Variants in TXNDC8 observed in about 807,000 individuals in gnomAD.
TXNDC8 encodes thioredoxin domain containing 8.
Under a neutral mutation model 12.9 loss-of-function variants are expected in TXNDC8, and 15 were observed. The ratio of observed to expected loss-of-function variants is 1.16; its 90% CI spans 0.78 to 1.79. TXNDC8 has a LOEUF of 1.79. Among genes scored for constraint, TXNDC8 ranks in the 40% most tolerant of loss-of-function variants. The pLI, the probability that TXNDC8 is intolerant of heterozygous loss-of-function variation, is 0.00. For missense variants in TXNDC8, 128 were observed against 113.2 expected, an observed-to-expected ratio of 1.13 and a Z score of -0.59; for synonymous variants, 40 against 35.4, an observed-to-expected ratio of 1.13 and a Z score of -0.46.
chr9:110,330,402 G>A (rs1362616583), intron 2 of TXNDC8, among the ~76,000 whole-genome samples: 3 of 152,062 alleles, frequency 2.0e-5, no homozygotes, highest in Non-Finnish European at 4.4e-5. Flanking sequence ...TGTCCTATTG[G>A]ACTCTCCACA....
At chr9:110,318,669 C>T (rs1033130182) in intron 3 of TXNDC8, among the ~76,000 whole-genome samples, 9 of 151,816 alleles carry the variant, frequency 5.9e-5, no homozygotes, top group South Asian at 4.2e-4. Context: ...AGCCGGGAGG[C>T]GGAGCTTGCA....
chr9:110,313,485 G>A (rs1838765892), intron 3 of TXNDC8, among the ~76,000 whole-genome samples: 1 of 152,136 alleles, frequency 6.6e-6, no homozygotes. Context: ...CAGATCACCT[G>A]AGATTAGGAG....
chr9:110,334,590 T>A (rs1839676596), intron 1 of TXNDC8, among the ~76,000 whole-genome samples: 2 of 152,178 alleles, frequency 1.3e-5, no homozygotes, highest in African/African-American at 4.8e-5. Context: ...GCCATTGTTC[T>A]CTAGCTGACC....
At chr9:110,332,424 T>C (rs1839581711) in intron 2 of TXNDC8, among the ~76,000 whole-genome samples, 1 of 152,220 alleles carries the variant, frequency 6.6e-6, no homozygotes, top group African/African-American at 2.4e-5. Flanking sequence ...CCAGTTTCTC[T>C]ATTGGAATAT....
Position 110,324,242 on chromosome 9 carries a change from A to C in TXNDC8, c.195+1933T>G, listed in dbSNP as rs538411463. On this transcript the variant is annotated intron_variant, in intron 3 of 4. Coordinates refer to ENST00000423740, the MANE Select transcript of TXNDC8 (RefSeq NM_001286946.2). ...CACTTCCGAAATGGGAGTGAAGGAG[A>C]AGATAATAAAAGATGATATGTAGAC... Among the ~76,000 whole-genome samples the C allele has an allele frequency of 9.2e-5, 14 of 152,334 alleles. No individual in the cohort carries two copies. The South Asian group carries it at 2.9e-3, about 32-fold the overall frequency.
At chr9:110,333,841 T>C (rs1477196408) in intron 2 of TXNDC8, among the ~76,000 whole-genome samples, 1 of 152,240 alleles carries the variant, frequency 6.6e-6, no homozygotes, top group East Asian at 1.9e-4. Flanking sequence ...TTTATTCTTT[T>C]ATGTTATATT....
At chr9:110,323,671 A>G (rs1839195573) in intron 3 of TXNDC8, 1 of 524,446 alleles carries the variant, frequency 1.9e-6, no homozygotes, top group South Asian at 4.2e-5. Flanking sequence ...GAGTTTACAT[A>G]GCTGAAGAAT....
chr9:110,306,181 A>AT (rs1024789383), intron 3 of TXNDC8, among the ~76,000 whole-genome samples: 1 of 152,060 alleles, frequency 6.6e-6, no homozygotes, highest in African/African-American at 2.4e-5. Context: ...TATATTTTCA[A>AT]TTTATACTCT....
At chr9:110,301,352 T>C (rs1838267920), downstream of TXNDC8, among the ~76,000 whole-genome samples, 1 of 152,258 alleles carries the variant, frequency 6.6e-6, no homozygotes, top group Non-Finnish European at 1.5e-5. Flanking sequence ...GTTTAGGATA[T>C]TGTCTAGCAA....
At chr9:110,304,415 C>T (rs1838346467) in intron 4 of TXNDC8, 52 bp downstream of exon 5, 2 of 1,526,290 alleles carry the variant, frequency 1.3e-6, no homozygotes, top group Admixed American at 1.7e-5. Context: ...ATATTTATTC[C>T]TTCAAAGTAA....
intron 1 of TXNDC8, among the ~76,000 whole-genome samples, chr9:110,336,080 C>T (rs1839747459): frequency 6.6e-6 from 1 of 152,222 alleles, no homozygotes; most frequent in African/African-American, 2.4e-5. Context: ...GTCTTGCCTG[C>T]CGCCATGTCA....
chr9:110,307,932 A>C (rs1460832725), intron 3 of TXNDC8, among the ~76,000 whole-genome samples: 5 of 152,244 alleles, frequency 3.3e-5, no homozygotes, highest in African/African-American at 7.2e-5. Flanking sequence ...AGGCTGTGTC[A>C]CAGGCACATG....
At chr9:110,323,911 T>C in intron 3 of TXNDC8, 1 of 1,551,064 alleles carries the variant, frequency 6.4e-7, no homozygotes, top group Non-Finnish European at 8.7e-7. Flanking sequence ...AAATTAGCTC[T>C]GGTTTGACTT....
chr9:110,337,239 C>G (rs1839790750), intron 1 of TXNDC8, among the ~76,000 whole-genome samples: 1 of 152,192 alleles, frequency 6.6e-6, no homozygotes, highest in African/African-American at 2.4e-5. Context: ...CACACCACCT[C>G]TTAAACGAAC....
At chr9:110,311,278 C>G (rs558392687) in intron 3 of TXNDC8, among the ~76,000 whole-genome samples, 1 of 151,762 alleles carries the variant, frequency 6.6e-6, no homozygotes, top group South Asian at 2.1e-4. Context: ...TACTTGTAGA[C>G]AAACTCATCA....
rs753969102 is a variant in TXNDC8, at chr9:110,303,538, T to G, written c.*144A>C. The G allele has an allele frequency of 5.2e-6, 8 of 1,529,072 alleles. No homozygotes were observed. The African/African-American group carries it at 1.1e-4, about 21-fold the overall frequency. 94.7% of individuals were successfully genotyped at this position (1,529,072 alleles called of 1,614,324 possible). A position where few individuals can be genotyped will look rare whatever the true frequency, so the allele number is the denominator to read the frequency against. The stretch of plus-strand genomic sequence containing the variant: ...AGATCAGCTTACATTAATTCTTGAG[T>G]CTTGGCTTCCAATTTTTTAGCATCG... On this transcript the variant is annotated 3_prime_UTR_variant, in exon 5 of 5. Coordinates refer to ENST00000423740, the MANE Select transcript of TXNDC8 (RefSeq NM_001286946.2).
At chr9:110,304,047 T>C (rs771675732) in intron 4 of TXNDC8, among the ~76,000 whole-genome samples, 3 of 152,242 alleles carry the variant, frequency 2.0e-5, no homozygotes, top group African/African-American at 4.8e-5. Flanking sequence ...TTCAAATGTT[T>C]ACATCTCTGA....
At chr9:110,320,096 G>A (rs1839033679) in intron 3 of TXNDC8, among the ~76,000 whole-genome samples, 1 of 152,188 alleles carries the variant, frequency 6.6e-6, no homozygotes, top group Admixed American at 6.5e-5. Context: ...AAGAATGAAA[G>A]ATGGAGTCAA....
At chr9:110,317,106 C>T (rs752157076) in intron 3 of TXNDC8, among the ~76,000 whole-genome samples, 1 of 152,148 alleles carries the variant, frequency 6.6e-6, no homozygotes, top group Non-Finnish European at 1.5e-5. Flanking sequence ...AGGGCAAAAG[C>T]GTGTGCATCT....
Sources: gnomAD v4.1 joint callset for allele counts (sites outside exome capture counted in the v4.1 genomes callset) on GRCh38, gnomAD v4.1.1 for gene constraint, MANE v1.5 for transcripts, NCBI Gene and HGNC (gene_info 2026-07-23, HGNC 2026-07-21) for gene names.